The following GABPB2 variants were observed in gnomAD, a reference collection of about 807,000 sequenced individuals.
GABPB2 encodes GA-binding protein subunit beta-2.
In GABPB2, 23 loss-of-function variants were observed where a neutral mutation model predicts 39.1. That is an observed-to-expected ratio of 0.59 (90% CI 0.42 to 0.83). The LOEUF (loss-of-function observed/expected upper bound fraction) is 0.83. GABPB2 is among the 40% of genes least tolerant of loss of function. GABPB2 has a pLI of 0.00. For synonymous variants in GABPB2, 184 were observed against 199.3 expected, an observed-to-expected ratio of 0.92 and a Z score of 0.65; for missense variants, 467 against 541.1, an observed-to-expected ratio of 0.86 and a Z score of 1.36.
chr1:151,075,288 G>C (rs1270484827), intron 1 of GABPB2, among the ~76,000 whole-genome samples: 2 of 151,976 alleles, frequency 1.3e-5, no homozygotes, highest in Non-Finnish European at 2.9e-5. Flanking sequence ...AAATTGGCCG[G>C]GCACGGTGGC....
chr1:151,078,610 A>G (rs1418810275), intron 1 of GABPB2, among the ~76,000 whole-genome samples: 2 of 152,066 alleles, frequency 1.3e-5, no homozygotes, highest in African/African-American at 4.8e-5. Context: ...AAATAGAAAA[A>G]AAAATTCATT....
chr1:151,113,920 C>T (rs1460667872), intron 7 of GABPB2, among the ~76,000 whole-genome samples: 2 of 151,188 alleles, frequency 1.3e-5, no homozygotes, highest in Non-Finnish European at 3.0e-5. Context: ...TGATACCCAT[C>T]CAAGTTGTTG....
rs587702551 is a variant in GABPB2, at chr1:151,118,264, G to A, written c.*8G>A. On this transcript the variant is annotated 3_prime_UTR_variant, in exon 9 of 9. Coordinates refer to ENST00000368918, the MANE Select transcript of GABPB2 (RefSeq NM_144618.3). Reference sequence around the variant, plus strand: ...GCAACTGTTTCATCTTAATATGCAAGGGCCACAATTTGCACTGTGTTCATA... The same window carrying A: ...GCAACTGTTTCATCTTAATATGCAAAGGCCACAATTTGCACTGTGTTCATA... 1 of 1,608,300 alleles carries A rather than the reference G, an allele frequency of 6.2e-7. No individual in the cohort carries two copies. The highest frequency in any genetic ancestry group is 1.1e-5 in the South Asian group (1 of 90,784).
rs781398983 is a variant in GABPB2, at chr1:151,090,574, G to T, written c.276+1G>T. Reference sequence around the variant, plus strand: ...GCACATCGTGGAACTGCTTGTTCGGGTAAAGCAAGAATAGGGGCAAGGTTA... The same window carrying T: ...GCACATCGTGGAACTGCTTGTTCGGTTAAAGCAAGAATAGGGGCAAGGTTA... On this transcript the variant is annotated splice_donor_variant, in intron 3 of 8. Transcript: ENST00000368918. LOFTEE classifies it high-confidence loss of function. 1.2e-6 allele frequency: 2 copies of T among 1,613,170 alleles called. No homozygotes were observed. The highest frequency in any genetic ancestry group is 2.2e-5 in the South Asian group (2 of 90,940).
intron 2 of GABPB2, 112 bp downstream of exon 2, chr1:151,088,409 C>G: frequency 8.1e-7 from 1 of 1,240,118 alleles, no homozygotes. Context: ...TACCTCATAT[C>G]CCTTACAAGA....
At position 151,118,015 on chromosome 1, in the gene GABPB2, A is replaced by G. The variant is rs1681013097; in HGVS notation, c.1106A>G (p.Gln369Arg). 1 of 1,614,238 alleles carries G rather than the reference A, an allele frequency of 6.2e-7. No homozygotes were observed. The highest frequency in any genetic ancestry group is 8.5e-7 in the Non-Finnish European group (1 of 1,180,046). ...CTCCAGGAGGCCAATCGAAGAGCCC[A>G]GGAATACCGACACCAGCTCCTAAAG... ...QQLQEANRRA[Q>R]EYRHQLLKKE... Residue 369 changes from glutamine (Q) to arginine (R), a missense_variant, in exon 9 of 9, where the codon CAG (glutamine) becomes CGG (arginine). Coordinates refer to ENST00000368918, the MANE Select transcript of GABPB2 (RefSeq NM_144618.3).
rs1223563683 is a variant in GABPB2, at chr1:151,070,918, G to T, written c.-17G>T. The T allele has an allele frequency of 1.3e-5, 2 of 152,268 alleles. No homozygotes were observed. The highest frequency in any genetic ancestry group is 1.3e-4 in the Admixed American group (2 of 15,280). 9.4% of individuals were successfully genotyped at this position (152,268 alleles called of 1,614,324 possible). A position where few individuals can be genotyped will look rare whatever the true frequency, so the allele number is the denominator to read the frequency against. On this transcript the variant is annotated 5_prime_UTR_variant, in exon 1 of 9. Coordinates refer to ENST00000368918, the MANE Select transcript of GABPB2 (RefSeq NM_144618.3). ...GGGCTCCGTGGAAGCGTGGCCGGCA[G>T]CGTCCCGGACGAGGAGGTGAGGAGG...
chr1:151,084,235 G>GT (rs1338922237), intron 1 of GABPB2, among the ~76,000 whole-genome samples: 1 of 150,654 alleles, frequency 6.6e-6, no homozygotes, highest in African/African-American at 2.4e-5. Context: ...TGTTTGTTTT[G>GT]TTTTTTGAGA....
At chr1:151,109,657 C>T (rs1310713445) in intron 7 of GABPB2, among the ~76,000 whole-genome samples, 1 of 151,688 alleles carries the variant, frequency 6.6e-6, no homozygotes, top group Non-Finnish European at 1.5e-5. Flanking sequence ...CCACACCCGG[C>T]CTATAGTTTT....
chr1:151,117,350 T>C lies in GABPB2; in HGVS notation c.923-42T>C, dbSNP rs1572001443. ...AAGCAAGCAAAACCTCTTTGTTTTA[T>C]TATGCATTCATCACCTCCAATTGGT... On this transcript the variant is annotated intron_variant, in intron 7 of 8. Coordinates refer to ENST00000368918, the MANE Select transcript of GABPB2 (RefSeq NM_144618.3). The C allele has an allele frequency of 1.9e-6, 3 of 1,591,442 alleles. No individual in the cohort carries two copies. The Admixed American group carries it at 5.5e-5, about 29-fold the overall frequency.
intron 8 of GABPB2, 91 bp from the exon 9 acceptor site, chr1:151,117,866 G>A: frequency 8.0e-7 from 1 of 1,247,896 alleles, no homozygotes; most frequent in Non-Finnish European, 1.1e-6. Context: ...TTATAGGTGT[G>A]AGGCACCGCT....
chr1:151,099,304 T>A (rs1679342195), intron 5 of GABPB2, among the ~76,000 whole-genome samples: 1 of 151,944 alleles, frequency 6.6e-6, no homozygotes, highest in Non-Finnish European at 1.5e-5. Flanking sequence ...TTCAAGCGAT[T>A]CTCCTGCCTC....
At chr1:151,091,389 T>C (rs1678684488) in intron 3 of GABPB2, among the ~76,000 whole-genome samples, 1 of 147,318 alleles carries the variant, frequency 6.8e-6, no homozygotes, top group Non-Finnish European at 1.5e-5. Flanking sequence ...CACCTGACTG[T>C]TTTCTAATTT....
In GABPB2 at chr1:151,107,154, T is replaced by G; in HGVS notation, c.854T>G (p.Ile285Ser). 1.2e-6 allele frequency: 2 copies of G among 1,613,336 alleles called. No homozygotes were observed. The highest frequency in any genetic ancestry group is 1.7e-6 in the Non-Finnish European group (2 of 1,179,722). The stretch of plus-strand genomic sequence containing the variant: ...ACTGATGGAGTCCCTCTGGGTAATA[T>G]CCAAACTTCAATCCCTACTGGAGGC... Reference protein sequence around the residue: ...IVTDGVPLGNIQTSIPTGGIG... With the variant: ...IVTDGVPLGNSQTSIPTGGIG... Residue 285 changes from isoleucine to serine, a missense_variant, in exon 7 of 9, where the codon ATC becomes AGC. Transcript: ENST00000368918.
intron 1 of GABPB2, 175 bp from the exon 2 acceptor site, chr1:151,088,015 C>T: frequency 1.8e-6 from 1 of 554,268 alleles, no homozygotes; most frequent in South Asian, 2.3e-5. Flanking sequence ...GAAACATTCC[C>T]AAATATTTTA....
At chr1:151,109,364 A>ATATATTT (rs779537595) in intron 7 of GABPB2, among the ~76,000 whole-genome samples, 1,957 of 112,328 alleles carry the variant, frequency 0.017, 55 homozygotes, top group African/African-American at 0.048. Context: ...ATATATATAT[A>ATATATTT]TTTTTTTTTT....
At chr1:151,085,719 T>C (rs1393435889) in intron 1 of GABPB2, among the ~76,000 whole-genome samples, 1 of 152,190 alleles carries the variant, frequency 6.6e-6, no homozygotes, top group Non-Finnish European at 1.5e-5. Context: ...CCCAAAGTAC[T>C]GGGATTATAG....
intron 7 of GABPB2, among the ~76,000 whole-genome samples, chr1:151,109,739 G>C (rs1680259863): frequency 6.6e-6 from 1 of 151,702 alleles, no homozygotes; most frequent in African/African-American, 2.4e-5. Flanking sequence ...GCAGTGGCAT[G>C]ATTATGGCGC....
chr1:151,078,476 C>T (rs1677378186), intron 1 of GABPB2, among the ~76,000 whole-genome samples: 1 of 151,160 alleles, frequency 6.6e-6, no homozygotes, highest in South Asian at 2.1e-4. Flanking sequence ...GCCTGTAGTC[C>T]CAGCCACTCA....
Sources: gnomAD v4.1 joint callset for allele counts (sites outside exome capture counted in the v4.1 genomes callset) on GRCh38, gnomAD v4.1.1 for gene constraint, MANE v1.5 for transcripts, NCBI Gene and HGNC (gene_info 2026-07-23, HGNC 2026-07-21) for gene names.